The following RBFOX1 variants were observed in gnomAD, a reference collection of about 807,000 sequenced individuals.
RBFOX1 encodes RNA binding protein fox-1 homolog 1.
RBFOX1 carries 8 observed loss-of-function variants against 57.7 expected under a neutral mutation model. The ratio of observed to expected loss-of-function variants is 0.14; its 90% CI spans 0.08 to 0.25. The LOEUF (loss-of-function observed/expected upper bound fraction) is 0.25, where lower values mean the gene tolerates loss of function less well. Among genes scored for constraint, RBFOX1 ranks in the 10% least tolerant of loss-of-function variants. RBFOX1 has a pLI of 1.00. For synonymous variants in RBFOX1, 326 were observed against 222.4 expected (o/e 1.47, Z -4.15); for missense variants, 611 against 548.5 (o/e 1.11, Z -1.14).
intron 3 of RBFOX1, among the ~76,000 whole-genome samples, chr16:5,766,406 G>A (rs1355843800): frequency 6.6e-6 from 1 of 152,080 alleles, no homozygotes; most frequent in East Asian, 1.9e-4. Context: ...CCAACATGAC[G>A]AAACCTCGTC....
intron 2 of RBFOX1, among the ~76,000 whole-genome samples, chr16:5,553,777 C>G (rs181862267): frequency 1.5e-5 from 2 of 137,534 alleles, no homozygotes; most frequent in Non-Finnish European, 3.2e-5. Flanking sequence ...AACCTCATAC[C>G]ACAATATTGA....
intron 1 of RBFOX1, among the ~76,000 whole-genome samples, chr16:5,254,641 A>G (rs1235036229): frequency 6.6e-6 from 1 of 151,998 alleles, no homozygotes; most frequent in East Asian, 1.9e-4. Context: ...TTTCCCCATT[A>G]CTACAGCCTG....
At chr16:5,735,624 C>T (rs1416479909) in intron 3 of RBFOX1, among the ~76,000 whole-genome samples, 1 of 152,132 alleles carries the variant, frequency 6.6e-6, no homozygotes, top group East Asian at 1.9e-4. Flanking sequence ...GGGCCGGGCC[C>T]AGTGGTTCAC....
At chr16:6,892,267 G>A (rs1039071740) in intron 3 of RBFOX1, among the ~76,000 whole-genome samples, 3 of 152,064 alleles carry the variant, frequency 2.0e-5, no homozygotes, top group East Asian at 1.9e-4. Flanking sequence ...ACTTTGTAAC[G>A]AATGTATTTT....
chr16:7,352,664 T>C (rs751156708), intron 4 of RBFOX1, among the ~76,000 whole-genome samples: 1 of 152,142 alleles, frequency 6.6e-6, no homozygotes, highest in Non-Finnish European at 1.5e-5. Context: ...TTCTGAAGGA[T>C]GCACTCTTGT....
intron 2 of RBFOX1, among the ~76,000 whole-genome samples, chr16:6,344,729 C>T (rs1200105979): frequency 1.7e-5 from 2 of 114,342 alleles, no homozygotes; most frequent in South Asian, 2.9e-4. Flanking sequence ...ACTGCTCTGT[C>T]GCCAAGGCTG....
intron 4 of RBFOX1, among the ~76,000 whole-genome samples, chr16:5,892,373 T>C (rs2058064086): frequency 6.6e-6 from 1 of 152,302 alleles, no homozygotes; most frequent in East Asian, 1.9e-4. Context: ...CATTGCTTAC[T>C]TCCTGGATGA....
At chr16:5,348,345 T>C (rs2065189838) in intron 1 of RBFOX1, among the ~76,000 whole-genome samples, 1 of 152,182 alleles carries the variant, frequency 6.6e-6, no homozygotes, top group African/African-American at 2.4e-5. Flanking sequence ...TTATGACTAA[T>C]AGTAATAGGT....
chr16:7,559,007 T>C (rs942593429), intron 5 of RBFOX1, among the ~76,000 whole-genome samples: 15 of 152,196 alleles, frequency 9.9e-5, no homozygotes, highest in Non-Finnish European at 1.6e-4. Context: ...TTTATTTTAT[T>C]TTACCCATCA....
intron 1 of RBFOX1, among the ~76,000 whole-genome samples, chr16:6,271,246 A>ACTC (rs2075175890): frequency 6.6e-6 from 1 of 152,160 alleles, no homozygotes; most frequent in Non-Finnish European, 1.5e-5. Context: ...CAACATGGTG[A>ACTC]AACCCCATAC....
At chr16:6,907,727 T>C (rs931427643) in intron 3 of RBFOX1, among the ~76,000 whole-genome samples, 3 of 151,890 alleles carry the variant, frequency 2.0e-5, no homozygotes, top group African/African-American at 4.8e-5. Context: ...TGCACCACCA[T>C]GCTTGGCTTA....
At chr16:7,068,797 C>T (rs948317684) in intron 4 of RBFOX1, among the ~76,000 whole-genome samples, 1 of 152,140 alleles carries the variant, frequency 6.6e-6, no homozygotes, top group Non-Finnish European at 1.5e-5. Flanking sequence ...CCATGTTGGC[C>T]AGGCTGGTCT....
intron 1 of RBFOX1, among the ~76,000 whole-genome samples, chr16:6,219,987 CGT>C (rs2097361461): frequency 6.6e-6 from 1 of 152,046 alleles, no homozygotes; most frequent in South Asian, 2.1e-4. Flanking sequence ...AATAGGTGTC[CGT>C]GTGTGTGTAT....
At chr16:5,383,727 A>G (rs1288396620) in intron 1 of RBFOX1, among the ~76,000 whole-genome samples, 1 of 152,188 alleles carries the variant, frequency 6.6e-6, no homozygotes, top group Non-Finnish European at 1.5e-5. Context: ...AATGAGTTAG[A>G]CATTGTTTTT....
intron 3 of RBFOX1, among the ~76,000 whole-genome samples, chr16:7,000,827 C>T (rs968801157): frequency 1.3e-5 from 2 of 152,018 alleles, no homozygotes; most frequent in African/African-American, 4.8e-5. Context: ...TGCTCTCGAT[C>T]TCCTGACCTT....
chr16:7,119,562 A>C (rs745857874), intron 4 of RBFOX1, among the ~76,000 whole-genome samples: 3 of 152,126 alleles, frequency 2.0e-5, no homozygotes, highest in Non-Finnish European at 4.4e-5. Context: ...CTACATATCA[A>C]AGTAAACTTC....
intron 2 of RBFOX1, among the ~76,000 whole-genome samples, chr16:5,556,063 C>G (rs1400841366): frequency 1.3e-5 from 2 of 151,908 alleles, no homozygotes; most frequent in African/African-American, 4.8e-5. Flanking sequence ...ACAACGACAC[C>G]AAAAAACACC....
chr16:5,990,402 A>G (rs1485176852), intron 4 of RBFOX1, among the ~76,000 whole-genome samples: 2 of 152,342 alleles, frequency 1.3e-5, no homozygotes, highest in South Asian at 4.1e-4. Flanking sequence ...TGGACAAAGC[A>G]TTTCAAGTAC....
At chr16:6,300,567 C>G (rs2078696747) in intron 1 of RBFOX1, among the ~76,000 whole-genome samples, 1 of 152,180 alleles carries the variant, frequency 6.6e-6, no homozygotes, top group African/African-American at 2.4e-5. Context: ...TAAATTCGTA[C>G]TGTTGTTAGG....
Sources: gnomAD v4.1 joint callset for allele counts (sites outside exome capture counted in the v4.1 genomes callset) on GRCh38, gnomAD v4.1.1 for gene constraint, MANE v1.5 for transcripts, NCBI Gene and HGNC (gene_info 2026-07-23, HGNC 2026-07-21) for gene names.